Variants in RUNDC3B observed in about 807,000 individuals in gnomAD.
RUNDC3B encodes the protein RUN domain-containing protein 3B.
In RUNDC3B, 33 loss-of-function variants were observed where a neutral mutation model predicts 58.4. The ratio of observed to expected loss-of-function variants is 0.56; its 90% CI spans 0.43 to 0.75. The LOEUF (loss-of-function observed/expected upper bound fraction) is 0.75. Among genes scored for constraint, RUNDC3B ranks in the 30% least tolerant of loss-of-function variants. The probability of loss-of-function intolerance (pLI) is 0.00; values close to 1 mark genes in which losing one functional copy is unlikely to be tolerated. For missense variants in RUNDC3B, 501 were observed against 535.7 expected (o/e 0.94, Z 0.64); for synonymous variants, 193 against 195.2 (o/e 0.99, Z 0.10).
intron 8 of RUNDC3B, among the ~76,000 whole-genome samples, chr7:87,787,326 G>A (rs1394432606): frequency 2.0e-5 from 3 of 152,068 alleles, no homozygotes; most frequent in African/African-American, 7.2e-5. Context: ...TGTTACTCCT[G>A]AGAAGATAAA....
intron 1 of RUNDC3B, among the ~76,000 whole-genome samples, chr7:87,635,123 A>G (rs1337074800): frequency 1.3e-5 from 2 of 151,990 alleles, no homozygotes; most frequent in Admixed American, 6.6e-5. Context: ...TTCAAGGGGG[A>G]ATGTTTGAAG....
At chr7:87,820,185 A>G (rs1018936522) in intron 10 of RUNDC3B, among the ~76,000 whole-genome samples, 8 of 152,242 alleles carry the variant, frequency 5.3e-5, no homozygotes, top group African/African-American at 1.7e-4. Flanking sequence ...AATAGATGCA[A>G]TAAAAAATGA....
intron 2 of RUNDC3B, among the ~76,000 whole-genome samples, chr7:87,656,068 T>C (rs746839570): frequency 2.6e-5 from 4 of 152,198 alleles, no homozygotes; most frequent in East Asian, 1.9e-4. Context: ...TCTAGAACTA[T>C]GAGAAATAAA....
intron 9 of RUNDC3B, 77 bp downstream of exon 9, chr7:87,807,596 C>A: frequency 9.5e-7 from 1 of 1,056,508 alleles, no homozygotes; most frequent in Non-Finnish European, 1.5e-6. Flanking sequence ...TTTGGTTTCT[C>A]AGTTATTCTT....
At chr7:87,652,802 C>G (rs750846937) in intron 2 of RUNDC3B, among the ~76,000 whole-genome samples, 1 of 151,744 alleles carries the variant, frequency 6.6e-6, no homozygotes, top group Non-Finnish European at 1.5e-5. Flanking sequence ...TGATAGTACA[C>G]TCTTCACTTA....
intron 7 of RUNDC3B, among the ~76,000 whole-genome samples, chr7:87,772,086 G>A (rs1736478232): frequency 6.6e-6 from 1 of 152,132 alleles, no homozygotes; most frequent in Non-Finnish European, 1.5e-5. Flanking sequence ...TAAGATAGAT[G>A]AAATAGATGT....
At chr7:87,729,191 G>C (rs1415922447) in intron 4 of RUNDC3B, among the ~76,000 whole-genome samples, 1 of 151,998 alleles carries the variant, frequency 6.6e-6, no homozygotes, top group African/African-American at 2.4e-5. Context: ...TGAAAAGAAG[G>C]CTCCAACAAT....
At chr7:87,671,004 G>C (rs1313803467) in intron 2 of RUNDC3B, among the ~76,000 whole-genome samples, 1 of 152,208 alleles carries the variant, frequency 6.6e-6, no homozygotes, top group Non-Finnish European at 1.5e-5. Flanking sequence ...GTTGGAGGCA[G>C]CAGAGAAAGG....
intron 4 of RUNDC3B, among the ~76,000 whole-genome samples, chr7:87,718,225 C>G (rs1486940023): frequency 1.3e-5 from 2 of 152,084 alleles, no homozygotes; most frequent in Non-Finnish European, 2.9e-5. Flanking sequence ...CCTGTGGAAT[C>G]ATATGGGCTG....
chr7:87,721,970 C>T (rs1830927013), intron 4 of RUNDC3B, among the ~76,000 whole-genome samples: 1 of 151,970 alleles, frequency 6.6e-6, no homozygotes, highest in Admixed American at 6.6e-5. Flanking sequence ...TACATTATCA[C>T]ATTTTTTAAA....
At chr7:87,739,917 T>C (rs371384135) in intron 5 of RUNDC3B, 37 bp downstream of exon 5, 5 of 976,252 alleles carry the variant, frequency 5.1e-6, no homozygotes, top group South Asian at 3.2e-5. Context: ...TAAATTATTC[T>C]ATATCTTAAT....
At chr7:87,722,254 A>G (rs1830946570) in intron 4 of RUNDC3B, among the ~76,000 whole-genome samples, 1 of 152,136 alleles carries the variant, frequency 6.6e-6, no homozygotes, top group Admixed American at 6.6e-5. Context: ...AATATACAAT[A>G]TATTATTATT....
At chr7:87,768,163 G>T (rs554725818) in intron 6 of RUNDC3B, among the ~76,000 whole-genome samples, 1 of 152,286 alleles carries the variant, frequency 6.6e-6, no homozygotes, top group African/African-American at 2.4e-5. Flanking sequence ...AGCCTTCGCT[G>T]CATCTGCAGT....
rs1226598390 is a variant in RUNDC3B at position 87,828,596 on chromosome 7, TACC to T, written c.1226-1286_1226-1284del. Among the ~76,000 whole-genome samples, 9 of 152,346 alleles carry T rather than the reference TACC, an allele frequency of 5.9e-5. No individual in the cohort carries two copies. In the East Asian group the frequency reaches 1.2e-3, roughly 20 times the overall value. The stretch of plus-strand genomic sequence containing the variant: ...TGCATAGTAGTCCATGGTGTAGATG[TACC>T]ACATTTTCTTTATCCAGTCCACTGC... On this transcript the variant is annotated intron_variant, in intron 10 of 10. Coordinates refer to ENST00000394654, the MANE Select transcript of RUNDC3B (RefSeq NM_001134405.2).
chr7:87,771,863 T>C (rs968576153), intron 7 of RUNDC3B, among the ~76,000 whole-genome samples: 1 of 152,146 alleles, frequency 6.6e-6, no homozygotes, highest in East Asian at 1.9e-4. Flanking sequence ...ATAGCAAAAA[T>C]AATGACCAAT....
intron 2 of RUNDC3B, among the ~76,000 whole-genome samples, chr7:87,683,782 A>G (rs1223677783): frequency 1.3e-5 from 2 of 152,252 alleles, no homozygotes; most frequent in Admixed American, 6.5e-5. Flanking sequence ...AGCACATGCT[A>G]TTGGAAAAAT....
intron 3 of RUNDC3B, among the ~76,000 whole-genome samples, chr7:87,710,210 A>G (rs1685849932): frequency 6.6e-6 from 1 of 152,178 alleles, no homozygotes; most frequent in African/African-American, 2.4e-5. Flanking sequence ...GATTTATGAG[A>G]GGGCTCATTT....
At chr7:87,732,508 A>G (rs181061101) in intron 4 of RUNDC3B, among the ~76,000 whole-genome samples, 117 of 152,304 alleles carry the variant, frequency 7.7e-4, no homozygotes, top group African/African-American at 2.7e-3. Flanking sequence ...CAAGGAACAA[A>G]GAAGGCCACA....
At chr7:87,753,381 C>T (rs1408622424) in intron 6 of RUNDC3B, among the ~76,000 whole-genome samples, 1 of 151,504 alleles carries the variant, frequency 6.6e-6, no homozygotes, top group Non-Finnish European at 1.5e-5. Context: ...CTGTAGATGT[C>T]TATTAGGTCC....
Sources: gnomAD v4.1 joint callset for allele counts (sites outside exome capture counted in the v4.1 genomes callset) on GRCh38, gnomAD v4.1.1 for gene constraint, MANE v1.5 for transcripts, NCBI Gene and HGNC (gene_info 2026-07-23, HGNC 2026-07-21) for gene names.